Variants in FAM117A observed in about 807,000 individuals in gnomAD.
FAM117A encodes the protein family with sequence similarity 117 member A.
A neutral mutation model predicts 44.1 loss-of-function variants in FAM117A; 21 were observed. The observed-to-expected ratio is 0.48, with a 90% CI of 0.34 to 0.69. FAM117A has a LOEUF of 0.69. Among genes scored for constraint, FAM117A ranks in the 30% least tolerant of loss-of-function variants. The pLI is 0.01. For missense variants in FAM117A, 498 were observed against 589.9 expected, an observed-to-expected ratio of 0.84 and a Z score of 1.61; for synonymous variants, 220 against 238.3, an observed-to-expected ratio of 0.92 and a Z score of 0.71.
upstream of FAM117A, chr17:49,788,807 C>T: frequency 6.3e-7 from 1 of 1,577,398 alleles, no homozygotes; most frequent in South Asian, 1.1e-5. Context: ...CTGCCCGAAT[C>T]GGAACCGTCG....
chr17:49,775,146 C>A (rs1437498888), intron 1 of FAM117A, among the ~76,000 whole-genome samples: 2 of 152,134 alleles, frequency 1.3e-5, no homozygotes, highest in South Asian at 2.1e-4. Flanking sequence ...TGCCACCATG[C>A]CCGGCTAATT....
chr17:49,766,725 T>C (rs887639596), upstream of FAM117A, among the ~76,000 whole-genome samples: 55 of 152,242 alleles, frequency 3.6e-4, no homozygotes, highest in Admixed American at 2.0e-4. Flanking sequence ...AGTAAAGCCC[T>C]AGGATGAGAA....
intron 2 of FAM117A, chr17:49,724,450 C>T (rs1257327283): frequency 6.6e-6 from 3 of 456,290 alleles, no homozygotes; most frequent in South Asian, 4.6e-5. Context: ...ACGGGTACTA[C>T]TAATATCTCT....
chr17:49,763,432 C>A (rs2143787588), intron 1 of FAM117A, among the ~76,000 whole-genome samples: 1 of 152,132 alleles, frequency 6.6e-6, no homozygotes, highest in African/African-American at 2.4e-5. Context: ...AGAAGTAACA[C>A]ACGGCTGCAC....
intron 1 of FAM117A, among the ~76,000 whole-genome samples, chr17:49,746,580 C>A (rs781595127): frequency 2.0e-5 from 3 of 152,146 alleles, no homozygotes; most frequent in Non-Finnish European, 2.9e-5. Context: ...TCATGTCATC[C>A]CAGGAGCAAG....
intron 7 of FAM117A, among the ~76,000 whole-genome samples, chr17:49,713,881 C>G (rs2073489493): frequency 1.3e-5 from 2 of 152,078 alleles, no homozygotes; most frequent in Non-Finnish European, 2.9e-5. Context: ...AGAGCAGAGA[C>G]CTGGCACAGA....
At chr17:49,748,227 T>C (rs1248934272) in intron 1 of FAM117A, among the ~76,000 whole-genome samples, 2 of 152,114 alleles carry the variant, frequency 1.3e-5, no homozygotes, top group Non-Finnish European at 2.9e-5. Flanking sequence ...AAGCAAAAAA[T>C]TGATCCAGGG....
In FAM117A at chr17:49,710,824, A is replaced by G; in HGVS notation, c.*431T>C. ...AGAGGGAGGCATGGGAATAGGGCTG[A>G]GAGGATGGGGGATCTATCTTATGGT... On this transcript the variant is annotated 3_prime_UTR_variant, in exon 8 of 8. Transcript: ENST00000240364. The G allele has an allele frequency of 6.2e-6, 1 of 160,172 alleles. No homozygotes were observed. The highest frequency in any genetic ancestry group is 2.4e-5 in the African/African-American group (1 of 41,684). The allele number at this position is 160,172 out of a possible 1,614,324, so 9.9% of individuals were successfully genotyped here.
intron 3 of FAM117A, among the ~76,000 whole-genome samples, chr17:49,721,640 G>T (rs565771407): frequency 6.6e-6 from 1 of 152,342 alleles, no homozygotes; most frequent in South Asian, 2.1e-4. Flanking sequence ...CTCAGAAGCT[G>T]CCACACAGCA....
chr17:49,734,774 G>A (rs2073603257), intron 1 of FAM117A, among the ~76,000 whole-genome samples: 2 of 152,166 alleles, frequency 1.3e-5, no homozygotes, highest in South Asian at 2.1e-4. Flanking sequence ...AAAGGTGGGA[G>A]CAACCCGAGC....
In FAM117A at chr17:49,786,717, C is replaced by T. The variant is rs569566145; in HGVS notation, c.-621+1780G>A. ...GCCTGAACCCGGGAGGCGGAGGCTG[C>T]GGTGAGCCGAGCTCGTGCCATTGCC... On this transcript the variant is annotated intron_variant, in intron 1 of 7. Transcript: ENST00000513602. 3.4e-5 allele frequency among the ~76,000 whole-genome samples: 5 copies of T among 147,998 alleles called. No individual in the cohort carries two copies. The South Asian group carries it at 6.4e-4, about 19-fold the overall frequency.
At chr17:49,787,688 G>A (rs1567842324) in intron 1 of FAM117A, among the ~76,000 whole-genome samples, 1 of 152,188 alleles carries the variant, frequency 6.6e-6, no homozygotes, top group African/African-American at 2.4e-5. Flanking sequence ...CTCCGGAGAG[G>A]TTAAATCCTC....
intron 4 of FAM117A, 156 bp from the exon 5 acceptor site, chr17:49,720,050 G>GCAGT (rs1175559468): frequency 9.1e-7 from 1 of 1,094,250 alleles, no homozygotes; most frequent in East Asian, 2.7e-5. Context: ...TCCACTCAGG[G>GCAGT]CAGTTTTCTC....
chr17:49,718,132 C>T (rs2073513981), intron 5 of FAM117A: 1 of 155,778 alleles, frequency 6.4e-6, no homozygotes, highest in African/African-American at 2.4e-5. Flanking sequence ...CATTGCAGAA[C>T]AAGTATGCTG....
rs772625696 is a variant in FAM117A at position 49,711,578 on chromosome 17, C to T, written c.1062-23G>A. ...GACCTGGAGGATGAAGAGAGACACA[C>T]AAGACACATACGTACACACAGAGAG... On this transcript the variant is annotated intron_variant, in intron 7 of 7. Transcript: ENST00000240364. 2.5e-6 allele frequency: 4 copies of T among 1,609,264 alleles called. No homozygotes were observed. In the South Asian group the frequency reaches 4.4e-5, roughly 18 times the overall value.
upstream of FAM117A, among the ~76,000 whole-genome samples, chr17:49,768,216 A>G (rs2073750854): frequency 6.6e-6 from 1 of 152,182 alleles, no homozygotes; most frequent in South Asian, 2.1e-4. Context: ...TCAGAGGATC[A>G]GCAGGGAAGC....
At position 49,736,782 on chromosome 17, in the gene FAM117A, C is replaced by G. The variant is rs1208953640; in HGVS notation, c.197-4062G>C. On this transcript the variant is annotated intron_variant, in intron 1 of 7. Coordinates refer to ENST00000240364, the MANE Select transcript of FAM117A (RefSeq NM_030802.4). ...TCCACTCCACCAAGCCTTCTGCATC[C>G]ACTGGAATCCCCTGGAAGCAATGTC... 2.0e-5 allele frequency among the ~76,000 whole-genome samples: 3 copies of G among 152,234 alleles called. No homozygotes were observed. The East Asian group carries it at 5.8e-4, about 29-fold the overall frequency.
chr17:49,771,333 G>A (rs1294594446), intron 1 of FAM117A, among the ~76,000 whole-genome samples: 1 of 152,228 alleles, frequency 6.6e-6, no homozygotes. Flanking sequence ...ATCTCTGAGA[G>A]ATTGATGATG....
At chr17:49,732,465 A>G (rs1442071170) in intron 2 of FAM117A, 86 bp downstream of exon 2, 6 of 1,264,322 alleles carry the variant, frequency 4.7e-6, no homozygotes, top group Non-Finnish European at 5.6e-6. Context: ...AATCATCGCA[A>G]TGACTTGAGG....
Sources: allele counts gnomAD v4.1 joint callset (sites outside exome capture counted in the v4.1 genomes callset), GRCh38; gene constraint gnomAD v4.1.1; transcripts MANE v1.5; gene names NCBI Gene and HGNC (gene_info 2026-07-23, HGNC 2026-07-21).